Variants in AACS observed in about 807,000 individuals in gnomAD.
The protein encoded by AACS is acetoacetate-CoA ligase.
Under a neutral mutation model 83.1 loss-of-function variants are expected in AACS, and 69 were observed. That is an observed-to-expected ratio of 0.83 (90% CI 0.68 to 1.01). The LOEUF (loss-of-function observed/expected upper bound fraction) is 1.01, where lower values mean the gene tolerates loss of function less well. AACS is among the 50% of genes least tolerant of loss of function. The pLI, the probability that AACS is intolerant of heterozygous loss-of-function variation, is 0.00. For synonymous variants in AACS, 333 were observed against 343.4 expected (o/e 0.97, Z 0.33); for missense variants, 866 against 882.2 (o/e 0.98, Z 0.23).
chr12:125,097,390 T>C lies in AACS; in HGVS notation c.571-5289T>C, dbSNP rs1956631190. Among the ~76,000 whole-genome samples the C allele has an allele frequency of 6.6e-6, 1 of 150,586 alleles. No individual in the cohort carries two copies. Among genetic ancestry groups the C allele is most frequent in the Admixed American group, 6.6e-5 (1 of 15,114 alleles). ...AAGTCCCTGTTACCTGTATGTCCCA[T>C]GCACTTTTTTAAACTGATGCTGAAG... On this transcript the variant is annotated intron_variant, in intron 5 of 17. Transcript: ENST00000316519. The surrounding 1 kb of genome is among the most constrained non-coding windows in gnomAD (Gnocchi z 4.3).
At chr12:125,093,414 G>T (rs542999617) in intron 5 of AACS, among the ~76,000 whole-genome samples, 1 of 152,238 alleles carries the variant, frequency 6.6e-6, no homozygotes, top group Non-Finnish European at 1.5e-5. Context: ...ATCCAGCCTC[G>T]CTGGGTCATT....
chr12:125,065,451 C>A lies in AACS; in HGVS notation c.-134C>A. On this transcript the variant is annotated 5_prime_UTR_variant, in exon 1 of 18. Coordinates refer to ENST00000316519, the MANE Select transcript of AACS (RefSeq NM_023928.5). ...CGGCCGTTCAGTCCCTTGTTCCCCG[C>A]CGCCGCCGTCGCTGACCCAGCCCGC... The A allele has an allele frequency of 9.9e-7, 1 of 1,010,746 alleles. No individual in the cohort carries two copies. The highest frequency in any genetic ancestry group is 1.3e-6 in the Non-Finnish European group (1 of 753,482). 62.6% of individuals were successfully genotyped at this position (1,010,746 alleles called of 1,614,324 possible). A position where few individuals can be genotyped will look rare whatever the true frequency, so the allele number is the denominator to read the frequency against.
At chr12:125,141,708 AAAG>A (rs752675212) in intron 17 of AACS, 28,745 of 146,504 alleles carry the variant, frequency 0.2, 3,392 homozygotes, top group East Asian at 0.39. Flanking sequence ...AAAAAAAAAA[AAAG>A]AAAAAAAAAG....
intron 1 of AACS, among the ~76,000 whole-genome samples, chr12:125,070,011 A>G (rs926487224): frequency 1.3e-5 from 2 of 152,136 alleles, no homozygotes; most frequent in African/African-American, 4.8e-5. Context: ...GCCAACCCGG[A>G]TTTATTCCTT....
chr12:125,094,476 TGA>T lies in AACS; in HGVS notation c.570+2957_570+2958del, dbSNP rs1956559179. On this transcript the variant is annotated intron_variant, in intron 5 of 17. Coordinates refer to ENST00000316519, the MANE Select transcript of AACS (RefSeq NM_023928.5). The surrounding 1 kb of genome is among the most constrained non-coding windows in gnomAD (Gnocchi z 4.1). Reference sequence around the variant, plus strand: ...CTCGTGGGTTCACACGCCTGTCCACTGAGAGCTCCTCGGCTGGCTGTGCTGGG... The same window carrying T: ...CTCGTGGGTTCACACGCCTGTCCACTGAGCTCCTCGGCTGGCTGTGCTGGG... 6.6e-6 allele frequency among the ~76,000 whole-genome samples: 1 copy of T among 152,238 alleles called. No individual in the cohort carries two copies. The highest frequency in any genetic ancestry group is 1.5e-5 in the Non-Finnish European group (1 of 68,040).
At chr12:125,072,256 A>G (rs1330735523) in intron 1 of AACS, among the ~76,000 whole-genome samples, 1 of 151,692 alleles carries the variant, frequency 6.6e-6, no homozygotes, top group African/African-American at 2.4e-5. Context: ...CTTCTGGGCT[A>G]AAGCGATCCT....
chr12:125,135,447 A>C (rs188024191), intron 16 of AACS, among the ~76,000 whole-genome samples: 22 of 152,316 alleles, frequency 1.4e-4, no homozygotes, highest in South Asian at 4.1e-4. Flanking sequence ...GAGAGGGTTC[A>C]GGATTGCTGA....
chr12:125,103,755 G>A (rs888440852), intron 7 of AACS, among the ~76,000 whole-genome samples: 3 of 151,990 alleles, frequency 2.0e-5, no homozygotes, highest in African/African-American at 4.8e-5. Context: ...TTGGGAGGCC[G>A]AGGCAGGCGG....
chr12:125,096,154 C>CG (rs1956602925), intron 5 of AACS, among the ~76,000 whole-genome samples: 1 of 152,094 alleles, frequency 6.6e-6, no homozygotes, highest in Admixed American at 6.5e-5. Context: ...TTAGTAGAGA[C>CG]GGGGTTTCAC....
At chr12:125,134,217 C>G (rs1050442907) in intron 15 of AACS, 145 bp downstream of exon 15, 31 of 836,998 alleles carry the variant, frequency 3.7e-5, no homozygotes, top group Non-Finnish European at 5.5e-5. Flanking sequence ...TCCACACCAC[C>G]CACACCTCTG....
chr12:125,129,592 A>G lies in AACS; in HGVS notation c.1549+132A>G, dbSNP rs998693338. ...GGCTTGGAGAAGCTGCTTATAGTTC[A>G]TTCCGCCAGTGGGGGGATAATGAAT... On this transcript the variant is annotated intron_variant, in intron 14 of 17. Coordinates refer to ENST00000316519, the MANE Select transcript of AACS (RefSeq NM_023928.5). This position sits in a 1 kb window ranked among gnomAD's most constrained non-coding sequence, Gnocchi z 4.3. 4 of 1,185,788 alleles carry G rather than the reference A, an allele frequency of 3.4e-6. No individual in the cohort carries two copies. Among genetic ancestry groups the G allele is most frequent in the Non-Finnish European group, 4.7e-6 (4 of 852,568 alleles). 73.5% of individuals were successfully genotyped at this position (1,185,788 alleles called of 1,614,324 possible).
At chr12:125,135,249 C>A (rs1957385602) in intron 16 of AACS, among the ~76,000 whole-genome samples, 1 of 152,084 alleles carries the variant, frequency 6.6e-6, no homozygotes, top group Non-Finnish European at 1.5e-5. Flanking sequence ...CATGCACCAC[C>A]ATGCCCAGCT....
intron 4 of AACS, among the ~76,000 whole-genome samples, chr12:125,089,801 C>CCCAT (rs373012916): frequency 6.6e-6 from 1 of 151,902 alleles, no homozygotes; most frequent in Non-Finnish European, 1.5e-5. Context: ...CCATCATCTA[C>CCCAT]CCATCCATCC....
At chr12:125,082,109 A>G (rs1956203896) in intron 3 of AACS, among the ~76,000 whole-genome samples, 1 of 151,428 alleles carries the variant, frequency 6.6e-6, no homozygotes, top group Admixed American at 6.6e-5. Context: ...TCCTGACCTC[A>G]AGTGATCTGC....
At chr12:125,123,692 T>C (rs919289551) in intron 10 of AACS, 1 of 152,216 alleles carries the variant, frequency 6.6e-6, no homozygotes, top group Non-Finnish European at 1.5e-5. Context: ...CTCCACCGAA[T>C]GTGCAGGACT....
chr12:125,133,359 G>A (rs971702878), intron 14 of AACS, among the ~76,000 whole-genome samples: 4 of 152,188 alleles, frequency 2.6e-5, no homozygotes, highest in African/African-American at 9.7e-5. Context: ...CCACCCCAGC[G>A]TGCAGGCCTT....
Position 125,097,859 on chromosome 12 carries a change from G to A in AACS, c.571-4820G>A, listed in dbSNP as rs947819831. On this transcript the variant is annotated intron_variant, in intron 5 of 17. Coordinates refer to ENST00000316519, the MANE Select transcript of AACS (RefSeq NM_023928.5). This position sits in a 1 kb window ranked among gnomAD's most constrained non-coding sequence, Gnocchi z 4.3. ...ACACCCTTTCACTCCCTTCCCTACCGTTGGCTGTTCTTGCCGCCTCTCCAC... is the reference window on the plus strand; with the variant it reads ...ACACCCTTTCACTCCCTTCCCTACCATTGGCTGTTCTTGCCGCCTCTCCAC... 6.6e-6 allele frequency among the ~76,000 whole-genome samples: 1 copy of A among 152,172 alleles called. No homozygotes were observed. The highest frequency in any genetic ancestry group is 1.9e-4 in the East Asian group (1 of 5,186).
intron 4 of AACS, chr12:125,091,185 G>A: frequency 1.9e-6 from 1 of 534,646 alleles, no homozygotes; most frequent in Middle Eastern, 4.9e-4. Context: ...GGAGCAGAGG[G>A]AGGAGAGCCC....
chr12:125,107,694 C>T (rs1179031553), intron 8 of AACS, among the ~76,000 whole-genome samples: 1 of 152,180 alleles, frequency 6.6e-6, no homozygotes. Flanking sequence ...GACGCAATGG[C>T]CCACACCTAT....
Sources: gnomAD v4.1 joint callset for allele counts (sites outside exome capture counted in the v4.1 genomes callset) on GRCh38, gnomAD v4.1.1 for gene constraint, Gnocchi (gnomAD v3.1) non-coding constraint, MANE v1.5 for transcripts, NCBI Gene and HGNC (gene_info 2026-07-23, HGNC 2026-07-21) for gene names.